Variants in RNF220 observed in about 807,000 individuals in gnomAD.
RNF220 encodes ring finger protein 220.
Under a neutral mutation model 67.1 loss-of-function variants are expected in RNF220, and 7 were observed. The observed-to-expected ratio is 0.10, with a 90% confidence interval of 0.06 to 0.20. The LOEUF is 0.20. Among genes scored for constraint, RNF220 ranks in the 10% least tolerant of loss-of-function variants. RNF220 has a pLI of 1.00. For synonymous variants in RNF220, 270 were observed against 283.2 expected (o/e 0.95, Z 0.47); for missense variants, 565 against 740.3 (o/e 0.76, Z 2.75).
At chr1:44,571,991 C>T (rs1373000593) in intron 2 of RNF220, among the ~76,000 whole-genome samples, 2 of 152,246 alleles carry the variant, frequency 1.3e-5, no homozygotes. Flanking sequence ...AGGCTCCTAG[C>T]CTAGTCCAGG....
intron 2 of RNF220, among the ~76,000 whole-genome samples, chr1:44,479,269 C>T (rs1655579526): frequency 6.6e-6 from 1 of 152,038 alleles, no homozygotes; most frequent in Non-Finnish European, 1.5e-5. Flanking sequence ...GCGCCTGCCA[C>T]CAGTGCCCAA....
At chr1:44,612,490 C>T (rs970165862) in intron 2 of RNF220, among the ~76,000 whole-genome samples, 7 of 152,182 alleles carry the variant, frequency 4.6e-5, no homozygotes, top group Non-Finnish European at 1.0e-4. Flanking sequence ...CGAAGAATTC[C>T]TCCTTCGTTT....
chr1:44,458,668 G>C (rs1653446947), intron 2 of RNF220, among the ~76,000 whole-genome samples: 1 of 152,152 alleles, frequency 6.6e-6, no homozygotes, highest in Non-Finnish European at 1.5e-5. Context: ...AGTGTTCTTA[G>C]AAACAACAGT....
intron 3 of RNF220, among the ~76,000 whole-genome samples, chr1:44,616,831 CTCTG>C (rs941451358): frequency 3.3e-5 from 5 of 152,266 alleles, no homozygotes; most frequent in East Asian, 3.9e-4. Flanking sequence ...GCCCCCAGCT[CTCTG>C]TCTGCCTCCT....
At chr1:44,570,191 A>G (rs1664335074) in intron 2 of RNF220, among the ~76,000 whole-genome samples, 1 of 152,150 alleles carries the variant, frequency 6.6e-6, no homozygotes, top group African/African-American at 2.4e-5. Flanking sequence ...TCCATCCCTC[A>G]TCTCAGTGAA....
At chr1:44,432,977 A>G (rs1240465830) in intron 2 of RNF220, among the ~76,000 whole-genome samples, 2 of 144,142 alleles carry the variant, frequency 1.4e-5, no homozygotes, top group Non-Finnish European at 3.0e-5. Context: ...CACTGTACCC[A>G]GGAGTGCAGT....
intron 2 of RNF220, among the ~76,000 whole-genome samples, chr1:44,558,652 G>A (rs1437364647): frequency 6.6e-6 from 1 of 152,140 alleles, no homozygotes; most frequent in Non-Finnish European, 1.5e-5. Flanking sequence ...AAGCAGAGAG[G>A]TTAAACAACC....
intron 2 of RNF220, among the ~76,000 whole-genome samples, chr1:44,522,531 A>C (rs1660020782): frequency 6.6e-6 from 1 of 152,172 alleles, no homozygotes; most frequent in South Asian, 2.1e-4. Context: ...TTATTGAAGA[A>C]AAGAGAGACC....
At chr1:44,459,442 A>C (rs1319556153) in intron 2 of RNF220, among the ~76,000 whole-genome samples, 3 of 149,848 alleles carry the variant, frequency 2.0e-5, no homozygotes, top group African/African-American at 7.4e-5. Flanking sequence ...CTCACACAGA[A>C]CCCCCCCTAA....
chr1:44,595,955 G>A (rs149577433), intron 2 of RNF220, among the ~76,000 whole-genome samples: 23,482 of 151,816 alleles, frequency 0.15, 2,423 homozygotes, highest in Middle Eastern at 0.27. Flanking sequence ...TAGTAGAGAC[G>A]GGGTTTTGCC....
At chr1:44,407,624 C>CG (rs1647490351) in intron 1 of RNF220, among the ~76,000 whole-genome samples, 1 of 152,016 alleles carries the variant, frequency 6.6e-6, no homozygotes, top group Non-Finnish European at 1.5e-5. Context: ...GCGGAGCGAG[C>CG]GGGGACACAC....
chr1:44,608,423 G>A (rs112076009), intron 2 of RNF220, among the ~76,000 whole-genome samples: 16 of 152,290 alleles, frequency 1.1e-4, no homozygotes, highest in African/African-American at 3.1e-4. Context: ...TGAGTGGGTA[G>A]GTAGGTAGGT....
intron 2 of RNF220, among the ~76,000 whole-genome samples, chr1:44,572,095 C>A (rs907557947): frequency 1.4e-4 from 21 of 152,204 alleles, no homozygotes; most frequent in African/African-American, 5.1e-4. Context: ...TATGGTTAAT[C>A]TAAAACATAA....
chr1:44,545,178 C>T (rs1220683763), intron 2 of RNF220, among the ~76,000 whole-genome samples: 3 of 152,180 alleles, frequency 2.0e-5, no homozygotes, highest in African/African-American at 7.2e-5. Context: ...TCAAATCAGG[C>T]CTCACAGAAG....
In RNF220 at chr1:44,418,924, C is replaced by T. The variant is rs143470486; in HGVS notation, c.625+6202C>T. ...TCTTATTTTTAACTCTTATTAACCACATCCATGTGGTTAATAAATATCGAA... is the reference window on the plus strand; with the variant it reads ...TCTTATTTTTAACTCTTATTAACCATATCCATGTGGTTAATAAATATCGAA... On this transcript the variant is annotated intron_variant, in intron 2 of 14. Coordinates refer to ENST00000361799, the MANE Select transcript of RNF220 (RefSeq NM_018150.4). 3.6e-3 allele frequency among the ~76,000 whole-genome samples: 555 copies of T among 152,228 alleles called. 4 individuals are homozygous for T. The highest frequency in any genetic ancestry group is 0.013 in the African/African-American group (533 of 41,528).
At chr1:44,605,919 G>T (rs924629342) in intron 2 of RNF220, among the ~76,000 whole-genome samples, 2 of 152,188 alleles carry the variant, frequency 1.3e-5, no homozygotes, top group Admixed American at 1.3e-4. Context: ...CCTGGGGTCT[G>T]GGCAAGAGGG....
intron 6 of RNF220, 47 bp downstream of exon 6, chr1:44,632,432 C>T: frequency 1.3e-6 from 2 of 1,521,986 alleles, no homozygotes; most frequent in South Asian, 1.2e-5. Context: ...CGGCCTCCTC[C>T]CTCCCTCCCT....
chr1:44,650,491 C>T lies in RNF220; in HGVS notation c.1630-213C>T, dbSNP rs960948890. The stretch of plus-strand genomic sequence containing the variant: ...GTTCTCATTACTGGGGCTCCTGCTG[C>T]GGGGCTGGCCAGGCGGTTTGATCCT... On this transcript the variant is annotated intron_variant, in intron 14 of 14. Transcript: ENST00000361799. The surrounding 1 kb of genome is among the most constrained non-coding windows in gnomAD (Gnocchi z 4.3). 5 of 590,534 alleles carry T rather than the reference C, an allele frequency of 8.5e-6. No homozygotes were observed. The highest frequency in any genetic ancestry group is 1.9e-5 in the South Asian group (1 of 51,494). The allele number at this position is 590,534 out of a possible 1,614,324, so 36.6% of individuals were successfully genotyped here. A position where few individuals can be genotyped will look rare whatever the true frequency, so the allele number is the denominator to read the frequency against.
intron 1 of RNF220, among the ~76,000 whole-genome samples, chr1:44,407,330 G>A (rs1188881399): frequency 6.6e-6 from 1 of 152,228 alleles, no homozygotes; most frequent in Non-Finnish European, 1.5e-5. Context: ...GCAGCGAGGG[G>A]ACTGGGGGGA....
Sources: gnomAD v4.1 joint callset for allele counts (sites outside exome capture counted in the v4.1 genomes callset) on GRCh38, gnomAD v4.1.1 for gene constraint, Gnocchi (gnomAD v3.1) non-coding constraint, MANE v1.5 for transcripts, NCBI Gene and HGNC (gene_info 2026-07-23, HGNC 2026-07-21) for gene names.